DAAM2: variants seen among roughly 807,000 people sequenced by gnomAD.
DAAM2 encodes the protein disheveled-associated activator of morphogenesis 2.
A neutral mutation model predicts 120.7 loss-of-function variants in DAAM2; 39 were observed. The observed-to-expected ratio is 0.32, with a 90% CI of 0.25 to 0.42. DAAM2 has a LOEUF of 0.42. Ranked by LOEUF, DAAM2 falls within the 10% of genes least tolerant of loss-of-function variation. DAAM2 has a pLI of 1.00. For synonymous variants in DAAM2, 488 were observed against 524.9 expected (o/e 0.93, Z 0.96); for missense variants, 1,283 against 1,401.7 (o/e 0.92, Z 1.35).
At chr6:39,834,135 C>T (rs1763018595) in intron 1 of DAAM2, among the ~76,000 whole-genome samples, 1 of 152,142 alleles carries the variant, frequency 6.6e-6, no homozygotes, top group Admixed American at 6.5e-5. Flanking sequence ...TGTGATGTAG[C>T]GCCTTGAATA....
At chr6:39,829,212 C>T (rs150650629) in intron 1 of DAAM2, among the ~76,000 whole-genome samples, 9 of 152,306 alleles carry the variant, frequency 5.9e-5, no homozygotes, top group East Asian at 1.9e-4. Context: ...GCCTGGGGAG[C>T]GGGCTGTGTG....
rs1349627850 is a variant in DAAM2, at chr6:39,903,202, G to C, written c.*1165G>C. 3 of 152,276 alleles carry C rather than the reference G, an allele frequency of 2.0e-5. No individual in the cohort carries two copies. The highest frequency in any genetic ancestry group is 6.5e-5 in the Admixed American group (1 of 15,270). The allele number at this position is 152,276 out of a possible 1,614,324, so 9.4% of individuals were successfully genotyped here. On this transcript the variant is annotated 3_prime_UTR_variant, in exon 25 of 25. Transcript: ENST00000274867. ...TCTACATTAACATGCTGTCTCTAAGGGTGGCCCCTCCTCTCAGGCGTTCAG... is the reference window on the plus strand; with the variant it reads ...TCTACATTAACATGCTGTCTCTAAGCGTGGCCCCTCCTCTCAGGCGTTCAG...
chr6:39,879,233 C>T lies in DAAM2; in HGVS notation c.1601C>T (p.Ser534Leu). Residue 534 changes from serine (S) to leucine (L), a missense_variant, in exon 14 of 25, where the codon TCA becomes TTA. Around this residue, in one of 3 missense-constraint regions of DAAM2, gnomAD observed 748 missense variants for 768.6 expected, o/e 0.97. Transcript: ENST00000274867. ...PPGGPLTLSSSMTTNDLPPPP... is the reference protein window; with the variant it reads ...PPGGPLTLSSLMTTNDLPPPP... Reference sequence around the variant, plus strand: ...GGGGGCCCACTCACCTTGTCTTCCTCAATGACAACCAATGACCTGCCTCCA... The same window carrying T: ...GGGGGCCCACTCACCTTGTCTTCCTTAATGACAACCAATGACCTGCCTCCA... 6.5e-7 allele frequency: 1 copy of T among 1,548,964 alleles called. No homozygotes were observed. Among genetic ancestry groups the T allele is most frequent in the South Asian group, 1.2e-5 (1 of 83,608 alleles).
rs1765252984 is a variant in DAAM2, at chr6:39,883,938, T to A, written c.1846-24T>A. The A allele has an allele frequency of 3.2e-6, 5 of 1,548,282 alleles. No homozygotes were observed. In the East Asian group the frequency reaches 1.1e-4, roughly 35 times the overall value. Reference sequence around the variant, plus strand: ...TGATGGAGTTGGGCCAACCATGGGATCTTCTCCCTACCCTGAATTTTAGGA... The same window carrying A: ...TGATGGAGTTGGGCCAACCATGGGAACTTCTCCCTACCCTGAATTTTAGGA... On this transcript the variant is annotated intron_variant, in intron 14 of 24. Transcript: ENST00000274867.
At chr6:39,900,679 G>A (rs2149382119) in intron 23 of DAAM2, among the ~76,000 whole-genome samples, 1 of 152,232 alleles carries the variant, frequency 6.6e-6, no homozygotes, top group Non-Finnish European at 1.5e-5. Context: ...TCTCATTTAG[G>A]AGGCCTGGGG....
chr6:39,847,755 AACTCTTCC>A (rs1262877851), intron 1 of DAAM2, among the ~76,000 whole-genome samples: 8 of 151,662 alleles, frequency 5.3e-5, no homozygotes, highest in African/African-American at 1.9e-4. Context: ...CTTGCCTCCC[AACTCTTCC>A]ACTCTTCCAC....
intron 1 of DAAM2, among the ~76,000 whole-genome samples, chr6:39,809,399 C>T (rs746457932): frequency 1.3e-4 from 20 of 152,158 alleles, no homozygotes; most frequent in Non-Finnish European, 2.5e-4. Flanking sequence ...ATTAAAGTCA[C>T]GTACCAGGGC....
chr6:39,815,815 C>T (rs992826582), intron 1 of DAAM2, among the ~76,000 whole-genome samples: 1 of 152,192 alleles, frequency 6.6e-6, no homozygotes, highest in African/African-American at 2.4e-5. Context: ...CCAAAGGTTA[C>T]ACCATTTGGT....
At chr6:39,890,112 A>T (rs142256317) in intron 17 of DAAM2, among the ~76,000 whole-genome samples, 1 of 149,150 alleles carries the variant, frequency 6.7e-6, no homozygotes, top group Non-Finnish European at 1.5e-5. Context: ...TGGGCAACAG[A>T]GTGAGACTCC....
rs1424585308 is a variant in DAAM2 at position 39,878,569 on chromosome 6, C to G, written c.1526C>G (p.Ala509Gly). ...CGGGGACAAGTGGCAGAGCTGGTAG[C>G]CCAGCTCAGTGAACTCTCAGTATGC... ...QARGQVAELV[A>G]QLSELSTGPV... The change falls in exon 13 of 25, where the codon GCC (alanine) becomes GGC (glycine). Residue 509 changes from alanine to glycine, a missense_variant. Ala to Gly is a moderately conservative substitution (Grantham distance 60, BLOSUM62 0). This residue lies in a region of DAAM2 where 748 missense variants were observed against 768.6 expected (regional missense o/e 0.97). Coordinates refer to ENST00000274867, the MANE Select transcript of DAAM2 (RefSeq NM_001201427.2). The surrounding 1 kb of genome is among the most constrained non-coding windows in gnomAD (Gnocchi z 5.0). The G allele has an allele frequency of 6.2e-7, 1 of 1,606,298 alleles. No homozygotes were observed.
Position 39,840,324 on chromosome 6 carries a change from G to A in DAAM2, c.-56-15923G>A, listed in dbSNP as rs141522344. On this transcript the variant is annotated intron_variant, in intron 1 of 24. Transcript: ENST00000274867. ...TTGTGCTTGTGACCTTGGGAAGGTT[G>A]CTTCACTTCACTGAACATTGGTTTC... Among the ~76,000 whole-genome samples, 384 of 152,334 alleles carry A rather than the reference G, an allele frequency of 2.5e-3. 2 individuals carry two copies. The highest frequency in any genetic ancestry group is 8.3e-3 in the African/African-American group (344 of 41,574).
intron 1 of DAAM2, among the ~76,000 whole-genome samples, chr6:39,802,032 ATTTC>A (rs1158629645): frequency 6.6e-5 from 10 of 152,164 alleles, no homozygotes; most frequent in Non-Finnish European, 1.3e-4. Context: ...ATAACACTCT[ATTTC>A]TTTTGTAATC....
At chr6:39,845,529 C>T (rs930153873) in intron 1 of DAAM2, among the ~76,000 whole-genome samples, 4 of 151,332 alleles carry the variant, frequency 2.6e-5, no homozygotes, top group South Asian at 2.1e-4. Context: ...ACATATGCTA[C>T]CTACACATAC....
Position 39,904,514 on chromosome 6 carries a change from A to G in DAAM2, c.*2477A>G. 2.2e-6 allele frequency: 1 copy of G among 454,360 alleles called. No homozygotes were observed. The highest frequency in any genetic ancestry group is 4.4e-6 in the Non-Finnish European group (1 of 226,958). 28.1% of individuals were successfully genotyped at this position (454,360 alleles called of 1,614,324 possible). A position where few individuals can be genotyped will look rare whatever the true frequency, so the allele number is the denominator to read the frequency against. ...AGTTTCTCTAGCTAATTTTGTGGCC[A>G]ATGTAAAATTCGTCATCAACCTAAC... On this transcript the variant is annotated 3_prime_UTR_variant, in exon 25 of 25. Transcript: ENST00000274867.
At chr6:39,873,186 C>A (rs1278263732) in intron 9 of DAAM2, 52 bp from the exon 10 acceptor site, 2 of 1,216,138 alleles carry the variant, frequency 1.6e-6, no homozygotes, top group Non-Finnish European at 2.4e-6. Flanking sequence ...CTCTCTCCTG[C>A]TGACTTCCTC....
intron 22 of DAAM2, 114 bp from the exon 23 acceptor site, chr6:39,899,963 T>G: frequency 2.6e-6 from 3 of 1,143,956 alleles, no homozygotes; most frequent in Non-Finnish European, 2.3e-6. Context: ...TGCAGGGTGT[T>G]CCCTCTTCCA....
chr6:39,898,777 A>G, intron 21 of DAAM2, 100 bp from the exon 22 acceptor site: 2 of 1,018,886 alleles, frequency 2.0e-6, no homozygotes, highest in South Asian at 2.7e-5. Context: ...ACCGACTCCC[A>G]GGCCACTGTG....
At chr6:39,797,897 T>C (rs563098371) in intron 1 of DAAM2, among the ~76,000 whole-genome samples, 2 of 152,314 alleles carry the variant, frequency 1.3e-5, no homozygotes, top group African/African-American at 2.4e-5. Flanking sequence ...AGATTAGAAG[T>C]TGTCAATTTC....
intron 1 of DAAM2, chr6:39,822,717 A>C (rs1038591144): frequency 6.6e-6 from 1 of 152,240 alleles, no homozygotes; most frequent in Non-Finnish European, 1.5e-5. Context: ...GTAAATGGCA[A>C]AGCCAGGATG....
Sources: gnomAD v4.1 joint callset for allele counts (sites outside exome capture counted in the v4.1 genomes callset) on GRCh38, gnomAD v4.1.1 for gene constraint, gnomAD v4.1.1 regional missense constraint, Gnocchi (gnomAD v3.1) non-coding constraint, MANE v1.5 for transcripts, NCBI Gene and HGNC (gene_info 2026-07-23, HGNC 2026-07-21) for gene names.